The following KIAA1217 variants were observed in gnomAD, a reference collection of about 807,000 sequenced individuals.
KIAA1217 encodes the protein sickle tail protein homolog.
A neutral mutation model predicts 163.9 loss-of-function variants in KIAA1217; 88 were observed. The ratio of observed to expected loss-of-function variants is 0.54; its 90% CI spans 0.45 to 0.64. The LOEUF (loss-of-function observed/expected upper bound fraction) is 0.64. Among genes scored for constraint, KIAA1217 ranks in the 30% least tolerant of loss-of-function variants. The probability of loss-of-function intolerance (pLI) is 0.00; values close to 1 mark genes in which losing one functional copy is unlikely to be tolerated. For missense variants in KIAA1217, 2,372 were observed against 2,475.0 expected, an observed-to-expected ratio of 0.96 and a Z score of 0.88; for synonymous variants, 903 against 923.1, an observed-to-expected ratio of 0.98 and a Z score of 0.39.
chr10:23,706,315 A>G (rs1836880004), intron 1 of KIAA1217, among the ~76,000 whole-genome samples: 2 of 152,178 alleles, frequency 1.3e-5, no homozygotes, highest in African/African-American at 4.8e-5. Flanking sequence ...TGTTAAACAG[A>G]AGTAGCACAG....
intron 1 of KIAA1217, among the ~76,000 whole-genome samples, chr10:23,743,323 A>G (rs575897721): frequency 2.6e-5 from 4 of 152,058 alleles, no homozygotes; most frequent in Non-Finnish European, 5.9e-5. Context: ...TTCCATGATT[A>G]GCCTGGTTTT....
chr10:24,061,317 C>T (rs2060713393), intron 2 of KIAA1217, among the ~76,000 whole-genome samples: 3 of 152,070 alleles, frequency 2.0e-5, no homozygotes, highest in African/African-American at 7.2e-5. Context: ...TTATGGATGT[C>T]ACAATTTTTA....
At chr10:23,947,996 T>TGGGC (rs1844136514) in intron 1 of KIAA1217, among the ~76,000 whole-genome samples, 2 of 152,224 alleles carry the variant, frequency 1.3e-5, no homozygotes, top group Non-Finnish European at 2.9e-5. Context: ...GAAACGTGTC[T>TGGGC]TCCACCTAAT....
intron 1 of KIAA1217, among the ~76,000 whole-genome samples, chr10:23,744,309 G>A (rs1457043661): frequency 2.0e-5 from 3 of 152,148 alleles, no homozygotes; most frequent in African/African-American, 7.2e-5. Context: ...CCCCAGAAGA[G>A]GATCCAAATT....
chr10:24,002,796 A>AC (rs1296649338), intron 1 of KIAA1217, among the ~76,000 whole-genome samples: 2 of 150,368 alleles, frequency 1.3e-5, no homozygotes, highest in African/African-American at 4.9e-5. Context: ...TTCATCCCTC[A>AC]CCCCCCTCAC....
At chr10:23,876,813 G>A (rs1238302709) in intron 1 of KIAA1217, among the ~76,000 whole-genome samples, 1 of 151,890 alleles carries the variant, frequency 6.6e-6, no homozygotes, top group Non-Finnish European at 1.5e-5. Flanking sequence ...ATTTAAAGCT[G>A]TATATGCTTA....
chr10:23,803,380 CA>C (rs1836567453), intron 1 of KIAA1217, among the ~76,000 whole-genome samples: 1 of 152,226 alleles, frequency 6.6e-6, no homozygotes, highest in African/African-American at 2.4e-5. Flanking sequence ...TGCCCCACAC[CA>C]GGGGCAGCCC....
intron 1 of KIAA1217, among the ~76,000 whole-genome samples, chr10:23,915,904 G>T (rs909373945): frequency 1.3e-5 from 2 of 152,118 alleles, no homozygotes; most frequent in African/African-American, 2.4e-5. Flanking sequence ...TGGTTAATAT[G>T]GGGGAAGGGA....
chr10:24,303,783 G>C (rs541502354), intron 2 of KIAA1217, among the ~76,000 whole-genome samples: 1 of 152,224 alleles, frequency 6.6e-6, no homozygotes, highest in East Asian at 1.9e-4. Context: ...GGCCGTCTTT[G>C]TATTAGGACA....
chr10:23,782,735 A>G (rs1041584154), intron 1 of KIAA1217, among the ~76,000 whole-genome samples: 3 of 152,160 alleles, frequency 2.0e-5, no homozygotes, highest in African/African-American at 7.2e-5. Flanking sequence ...ATTTTTTTGT[A>G]TGGAGTCTTT....
At chr10:24,073,855 C>T (rs1050436016) in intron 2 of KIAA1217, among the ~76,000 whole-genome samples, 1 of 152,100 alleles carries the variant, frequency 6.6e-6, no homozygotes, top group Non-Finnish European at 1.5e-5. Context: ...TAGGTAGGTT[C>T]CCAGTGGGAG....
intron 1 of KIAA1217, among the ~76,000 whole-genome samples, chr10:24,007,038 A>T (rs1847031347): frequency 6.6e-6 from 1 of 152,168 alleles, no homozygotes; most frequent in African/African-American, 2.4e-5. Context: ...AGTTAACTTG[A>T]ACTCTAACTT....
chr10:24,246,830 A>G (rs1375954512), intron 2 of KIAA1217, among the ~76,000 whole-genome samples: 5 of 152,094 alleles, frequency 3.3e-5, no homozygotes, highest in African/African-American at 9.7e-5. Context: ...CCTGGCCAAC[A>G]TGGCGAAACC....
intron 1 of KIAA1217, among the ~76,000 whole-genome samples, chr10:23,724,558 T>A (rs990415210): frequency 2.0e-5 from 3 of 152,150 alleles, no homozygotes; most frequent in African/African-American, 7.2e-5. Context: ...TAGTGGGAGA[T>A]AATGTTAAAA....
intron 2 of KIAA1217, among the ~76,000 whole-genome samples, chr10:24,267,827 A>G (rs986456077): frequency 6.6e-6 from 1 of 152,236 alleles, no homozygotes; most frequent in Non-Finnish European, 1.5e-5. Flanking sequence ...AAACAACTGC[A>G]TATTCTACTC....
At chr10:23,742,713 A>G (rs1197217516) in intron 1 of KIAA1217, among the ~76,000 whole-genome samples, 3 of 152,222 alleles carry the variant, frequency 2.0e-5, no homozygotes, top group Non-Finnish European at 4.4e-5. Context: ...CCTCCCACCA[A>G]GCCCCACCTC....
intron 1 of KIAA1217, among the ~76,000 whole-genome samples, chr10:23,952,272 TGA>T (rs1844373072): frequency 6.6e-6 from 1 of 152,234 alleles, no homozygotes; most frequent in South Asian, 2.1e-4. Flanking sequence ...ACACATTTTC[TGA>T]GTTGGAAGTG....
intron 1 of KIAA1217, among the ~76,000 whole-genome samples, chr10:23,806,157 A>G (rs955952480): frequency 6.6e-6 from 1 of 152,024 alleles, no homozygotes; most frequent in Non-Finnish European, 1.5e-5. Context: ...ATATTGAGGG[A>G]TGTGTGTGTG....
intron 2 of KIAA1217, among the ~76,000 whole-genome samples, chr10:24,198,616 C>A (rs1023506976): frequency 2.0e-5 from 3 of 150,054 alleles, no homozygotes; most frequent in Non-Finnish European, 4.4e-5. Flanking sequence ...TACTCAGGAT[C>A]TGTGTGTGCC....
Sources: gnomAD v4.1 joint callset for allele counts (sites outside exome capture counted in the v4.1 genomes callset) on GRCh38, gnomAD v4.1.1 for gene constraint, MANE v1.5 for transcripts, NCBI Gene and HGNC (gene_info 2026-07-23, HGNC 2026-07-21) for gene names.